TNS1: variants seen among roughly 807,000 people sequenced by gnomAD.
TNS1 encodes tensin-1.
A neutral mutation model predicts 168.6 loss-of-function variants in TNS1; 62 were observed. The observed-to-expected ratio is 0.37, with a 90% CI of 0.30 to 0.45. The LOEUF (loss-of-function observed/expected upper bound fraction) is 0.45, where lower values mean the gene tolerates loss of function less well. Among genes scored for constraint, TNS1 ranks in the 20% least tolerant of loss-of-function variants. The probability of loss-of-function intolerance (pLI) is 1.00; values close to 1 mark genes in which losing one functional copy is unlikely to be tolerated. For missense variants in TNS1, 2,240 were observed against 2,339.4 expected (o/e 0.96, Z 0.88); for synonymous variants, 934 against 933.2 (o/e 1.00, Z -0.02).
chr2:217,864,233 G>A (rs1487327839), intron 18 of TNS1, among the ~76,000 whole-genome samples: 1 of 152,244 alleles, frequency 6.6e-6, no homozygotes, highest in East Asian at 1.9e-4. Flanking sequence ...TGGACACCAT[G>A]TCAGTGGCAG....
chr2:217,817,619 G>A (rs1574603229), intron 24 of TNS1, 71 bp downstream of exon 24: 1 of 1,321,452 alleles, frequency 7.6e-7, no homozygotes, highest in East Asian at 2.3e-5. Context: ...AATAGACACT[G>A]GGATAGATAT....
At chr2:217,829,731 C>T (rs778296882) in intron 22 of TNS1, 171 of 1,236,746 alleles carry the variant, frequency 1.4e-4, no homozygotes, top group Non-Finnish European at 1.8e-4. Context: ...TGTGCCTGGT[C>T]GCCTGAGTCC....
intron 1 of TNS1, among the ~76,000 whole-genome samples, chr2:218,022,653 G>C (rs918943624): frequency 6.6e-6 from 1 of 151,812 alleles, no homozygotes; most frequent in African/African-American, 2.4e-5. Context: ...GGAGATAAAT[G>C]GGGGGAGGGG....
chr2:217,952,298 C>A (rs997402092), intron 3 of TNS1, among the ~76,000 whole-genome samples: 2 of 152,188 alleles, frequency 1.3e-5, no homozygotes, highest in African/African-American at 4.8e-5. Context: ...AGCTCAGACG[C>A]AAGAGGTGAA....
intron 3 of TNS1, among the ~76,000 whole-genome samples, chr2:217,971,762 G>A (rs1957778627): frequency 1.3e-5 from 2 of 152,158 alleles, no homozygotes; most frequent in Admixed American, 1.3e-4. Context: ...GAACCTCCAG[G>A]GAGTAGAATA....
intron 1 of TNS1, among the ~76,000 whole-genome samples, chr2:218,017,990 G>A (rs1204404343): frequency 1.3e-5 from 2 of 152,208 alleles, no homozygotes; most frequent in African/African-American, 2.4e-5. Flanking sequence ...AGAAGGTTGA[G>A]GCCAAAACAG....
intron 25 of TNS1, 24 bp downstream of exon 25, chr2:217,814,888 T>C (rs1941635165): frequency 6.3e-7 from 1 of 1,594,888 alleles, no homozygotes. Flanking sequence ...TGGCCTCTGA[T>C]GCACCACAGA....
chr2:217,974,753 G>C (rs1957852799), intron 3 of TNS1, among the ~76,000 whole-genome samples: 1 of 152,138 alleles, frequency 6.6e-6, no homozygotes, highest in Non-Finnish European at 1.5e-5. Context: ...TACATATCTA[G>C]AAGGCAGCAG....
At chr2:217,929,803 C>T (rs1050755922) in intron 3 of TNS1, among the ~76,000 whole-genome samples, 9 of 151,990 alleles carry the variant, frequency 5.9e-5, no homozygotes, top group African/African-American at 1.9e-4. Flanking sequence ...AACTCCTCCT[C>T]CTAAATACCT....
At chr2:217,872,715 G>C (rs1253927962) in intron 18 of TNS1, among the ~76,000 whole-genome samples, 1 of 152,188 alleles carries the variant, frequency 6.6e-6, no homozygotes, top group Non-Finnish European at 1.5e-5. Flanking sequence ...GACAACCTAA[G>C]TCCACACAAA....
At chr2:217,942,581 A>G (rs1361649960) in intron 3 of TNS1, among the ~76,000 whole-genome samples, 4 of 152,140 alleles carry the variant, frequency 2.6e-5, no homozygotes, top group African/African-American at 9.7e-5. Flanking sequence ...ACTTGAGGTC[A>G]CATGTGAGCC....
intron 6 of TNS1, among the ~76,000 whole-genome samples, chr2:217,905,718 A>G (rs1039680796): frequency 3.9e-5 from 6 of 152,180 alleles, no homozygotes; most frequent in Non-Finnish European, 5.9e-5. Flanking sequence ...GTGTGGAGAC[A>G]AGACCAACCC....
chr2:218,022,037 G>A (rs1339959763), intron 1 of TNS1, among the ~76,000 whole-genome samples: 2 of 152,100 alleles, frequency 1.3e-5, no homozygotes, highest in Admixed American at 6.5e-5. Context: ...GGGTGAAGGG[G>A]CTTCCCTGGC....
At chr2:217,946,711 G>A (rs1466860430) in intron 3 of TNS1, among the ~76,000 whole-genome samples, 1 of 151,960 alleles carries the variant, frequency 6.6e-6, no homozygotes, top group African/African-American at 2.4e-5. Flanking sequence ...GACTTTGGAG[G>A]TTACACTATC....
chr2:217,998,219 G>GTCTCTCTCTCTCTC (rs1173660793), intron 1 of TNS1, among the ~76,000 whole-genome samples: 6 of 97,070 alleles, frequency 6.2e-5, no homozygotes, highest in African/African-American at 2.6e-4. Context: ...CTCTCCATCA[G>GTCTCTCTCTCTCTC]TGTCTCTCTC....
At chr2:217,830,112 C>T (rs1332231535) in intron 22 of TNS1, 2 of 569,342 alleles carry the variant, frequency 3.5e-6, no homozygotes, top group Non-Finnish European at 4.4e-6. Context: ...GCCCACCCTG[C>T]AAAGGACCCC....
intron 12 of TNS1, among the ~76,000 whole-genome samples, chr2:217,888,632 G>C (rs1574962050): frequency 6.6e-6 from 1 of 152,146 alleles, no homozygotes; most frequent in Admixed American, 6.5e-5. Flanking sequence ...TATTCTCGTG[G>C]TAGTGAATAA....
chr2:217,829,793 A>G, intron 22 of TNS1: 1 of 1,612,172 alleles, frequency 6.2e-7, no homozygotes, highest in African/African-American at 1.3e-5. Context: ...CCTGCTTTGA[A>G]AAGCCATTTC....
chr2:218,011,519 TC>T (rs2106001217), upstream of TNS1, among the ~76,000 whole-genome samples: 5 of 152,008 alleles, frequency 3.3e-5, 1 homozygote, highest in African/African-American at 1.2e-4. Flanking sequence ...CCCTCCCCCA[TC>T]CCCCTGGGGC....
Sources: allele counts gnomAD v4.1 joint callset (sites outside exome capture counted in the v4.1 genomes callset), GRCh38; gene constraint gnomAD v4.1.1; transcripts MANE v1.5; gene names NCBI Gene and HGNC (gene_info 2026-07-23, HGNC 2026-07-21).